Variants in ZNF337 observed in about 807,000 individuals in gnomAD.
ZNF337 encodes the protein zinc finger protein 337.
In ZNF337, 8 loss-of-function variants were observed where a neutral mutation model predicts 12.1. The ratio of observed to expected loss-of-function variants is 0.66; its 90% CI spans 0.39 to 1.19. The LOEUF is 1.19. Among genes scored for constraint, ZNF337 ranks in the 50% most tolerant of loss-of-function variants. The pLI is 0.01. For missense variants in ZNF337, 882 were observed against 896.6 expected (o/e 0.98, Z 0.21); for synonymous variants, 336 against 320.0 (o/e 1.05, Z -0.53).
rs906950915 is a variant in ZNF337, at chr20:25,692,822, C to T, written c.-50+3937G>A. Among the ~76,000 whole-genome samples the T allele has an allele frequency of 3.3e-5, 5 of 152,066 alleles. No individual in the cohort carries two copies. The East Asian group carries it at 5.8e-4, about 18-fold the overall frequency. ...AAACTTGAAACATTTAGCTCCTCCA[C>T]GTATATTTCATTAAAATTCTCCTAA... On this transcript the variant is annotated intron_variant, in intron 1 of 4. Transcript: ENST00000252979.
In ZNF337 at chr20:25,675,128, T is replaced by C; in HGVS notation, c.2160A>G (p.Arg720=). 6.2e-7 allele frequency: 1 copy of C among 1,614,196 alleles called. No homozygotes were observed. The highest frequency in any genetic ancestry group is 8.5e-7 in the Non-Finnish European group (1 of 1,180,044). The change falls in exon 5 of 5, where the codon CGA becomes CGG. Residue 720 remains arginine (R), a synonymous_variant. Coordinates refer to ENST00000252979, the MANE Select transcript of ZNF337 (RefSeq NM_015655.4). ...TGTAGTATGACTTATTGCTAAACTTTCGTCCACACTCTTGGCATTCATAAG... is the reference window on the plus strand; with the variant it reads ...TGTAGTATGACTTATTGCTAAACTTCCGTCCACACTCTTGGCATTCATAAG... ...ERPYECQECG[R]KFSNKSYYSK...
Position 25,676,454 on chromosome 20 carries a change from G to C in ZNF337, c.834C>G (p.Tyr278Ter). Residue 278 changes from tyrosine (Y) to a stop codon, truncating the protein, a stop_gained, in exon 5 of 5, where the codon TAC (tyrosine) becomes TAG (stop). Coordinates refer to ENST00000252979, the MANE Select transcript of ZNF337 (RefSeq NM_015655.4). LOFTEE classifies it low-confidence loss of function (END_TRUNC). ...TGTGTGTTCTCTCATGCACAGTGAG[G>C]TATGACTTACTGGTATAGCCTCGTC... ...VCGRGYTSKS[Y>*]LTVHERTHTG... 6.2e-7 allele frequency: 1 copy of C among 1,613,004 alleles called. No individual in the cohort carries two copies. Among genetic ancestry groups the C allele is most frequent in the South Asian group, 1.1e-5 (1 of 91,012 alleles).
At chr20:25,685,145 A>G (rs937251163) in intron 4 of ZNF337, among the ~76,000 whole-genome samples, 16 of 152,136 alleles carry the variant, frequency 1.1e-4, no homozygotes, top group African/African-American at 3.6e-4. Context: ...AAATCAGTAT[A>G]TAGAAGAATG....
chr20:25,682,923 C>A (rs188697065), intron 4 of ZNF337, among the ~76,000 whole-genome samples: 1 of 152,192 alleles, frequency 6.6e-6, no homozygotes, highest in Admixed American at 6.5e-5. Context: ...ATAAAAGAGA[C>A]TTCCAAGTAC....
Position 25,685,984 on chromosome 20 carries a change from A to G in ZNF337, c.154+12T>C, listed in dbSNP as rs767523877. The G allele has an allele frequency of 3.1e-6, 5 of 1,603,258 alleles. No individual in the cohort carries two copies. In the East Asian group the frequency reaches 1.1e-4, roughly 36 times the overall value. The stretch of plus-strand genomic sequence containing the variant: ...CAGGCCAAATGTTAGGCTCGAGGGA[A>G]GCCACGCTTACCTAGTGAGACCAGG... On this transcript the variant is annotated intron_variant, in intron 3 of 4. Coordinates refer to ENST00000252979, the MANE Select transcript of ZNF337 (RefSeq NM_015655.4).
At position 25,675,060 on chromosome 20, in the gene ZNF337, G is replaced by A. The variant is rs1360206773; in HGVS notation, c.2228C>T (p.Thr743Ile). The change falls in exon 5 of 5, where the codon ACA (threonine) becomes ATA (isoleucine). Residue 743 changes from threonine to isoleucine, a missense_variant. Thr to Ile is a moderately conservative substitution (Grantham distance 89). Coordinates refer to ENST00000252979, the MANE Select transcript of ZNF337 (RefSeq NM_015655.4). ...AGATGAAGCCTCACCCACACTCCCT[G>A]TACAAAAACGCTTCTCACGTAAGTG... ...KRHLREKRFCTGSVGEASS is the reference protein window; with the variant it reads ...KRHLREKRFCIGSVGEASS 1 of 1,613,876 alleles carries A rather than the reference G, an allele frequency of 6.2e-7. No individual in the cohort carries two copies. Among genetic ancestry groups the A allele is most frequent in the Non-Finnish European group, 8.5e-7 (1 of 1,179,908 alleles).
At position 25,673,195 on chromosome 20, in the gene ZNF337, T is replaced by G. The variant is rs929000120; in HGVS notation, c.*1837A>C. On this transcript the variant is annotated 3_prime_UTR_variant, in exon 5 of 5. Coordinates refer to ENST00000252979, the MANE Select transcript of ZNF337 (RefSeq NM_015655.4). ...TGGGGCTGTCAGTGTCCCAGATCAC[T>G]CAGATGTAAATGTGTTTAATATGGA... Among the ~76,000 whole-genome samples, 2 of 152,186 alleles carry G rather than the reference T, an allele frequency of 1.3e-5. No homozygotes were observed. The highest frequency in any genetic ancestry group is 2.9e-5 in the Non-Finnish European group (2 of 68,030).
intron 4 of ZNF337, among the ~76,000 whole-genome samples, chr20:25,682,704 G>A (rs1330155263): frequency 1.3e-5 from 2 of 152,088 alleles, no homozygotes; most frequent in Non-Finnish European, 2.9e-5. Flanking sequence ...GCATGGTGGT[G>A]AGGACATGTA....
At chr20:25,688,956 C>A (rs968987784) in intron 1 of ZNF337, among the ~76,000 whole-genome samples, 1 of 151,958 alleles carries the variant, frequency 6.6e-6, no homozygotes, top group Non-Finnish European at 1.5e-5. Context: ...CCGTGAAACC[C>A]GTCTCTACTG....
chr20:25,689,478 TTA>T (rs1323686946), intron 1 of ZNF337, among the ~76,000 whole-genome samples: 1 of 152,214 alleles, frequency 6.6e-6, no homozygotes, highest in Non-Finnish European at 1.5e-5. Flanking sequence ...TCTGGAATGA[TTA>T]CATGTAAGGG....
intron 4 of ZNF337, among the ~76,000 whole-genome samples, chr20:25,684,891 C>G (rs1010935984): frequency 2.0e-5 from 3 of 151,308 alleles, no homozygotes; most frequent in Non-Finnish European, 2.9e-5. Flanking sequence ...AAATCAAACA[C>G]TATATGTTCT....
chr20:25,676,182 GTCC>G lies in ZNF337; in HGVS notation c.1103_1105del (p.Arg368del). On this transcript the variant is annotated inframe_deletion, in exon 5 of 5. Coordinates refer to ENST00000252979, the MANE Select transcript of ZNF337 (RefSeq NM_015655.4). ...CGCAAAGGGCTTCTCCCCTGAGTGT[GTCC>G]TCTGGTGTGTGATAAGGTGTGACTT... The G allele has an allele frequency of 6.2e-7, 1 of 1,614,160 alleles. No homozygotes were observed. The highest frequency in any genetic ancestry group is 8.5e-7 in the Non-Finnish European group (1 of 1,180,038).
intron 4 of ZNF337, chr20:25,680,762 GC>G (rs1394608312): frequency 6.6e-6 from 1 of 152,090 alleles, no homozygotes; most frequent in African/African-American, 2.4e-5. Flanking sequence ...TGTTATTTTG[GC>G]ACTATCCACA....
At chr20:25,680,172 T>C (rs2065753893) in intron 4 of ZNF337, among the ~76,000 whole-genome samples, 1 of 152,084 alleles carries the variant, frequency 6.6e-6, no homozygotes, top group South Asian at 2.1e-4. Context: ...AGCAGTTGAT[T>C]ATGGGTACAA....
At chr20:25,686,143 A>G (rs200409313) in intron 2 of ZNF337, 21 bp from the exon 3 acceptor site, 312 of 1,613,636 alleles carry the variant, frequency 1.9e-4, no homozygotes, top group Non-Finnish European at 2.6e-4. Flanking sequence ...AAACCCAGGC[A>G]TGCTCACCAG....
chr20:25,693,078 G>A (rs934507726), intron 1 of ZNF337, among the ~76,000 whole-genome samples: 4 of 152,122 alleles, frequency 2.6e-5, no homozygotes, highest in African/African-American at 7.2e-5. Context: ...GTTACATAAA[G>A]TAAAAATTAT....
chr20:25,675,388 C>G lies in ZNF337; in HGVS notation c.1900G>C (p.Gly634Arg), dbSNP rs200053406. ...GKQPFVCKEC[G>R]RGFNWKGNLL... ...TTTCCCTTCCAGTTGAAGCCTCGCCCACACTCCTTGCATACAAAAGGCTGC... is the reference window on the plus strand; with the variant it reads ...TTTCCCTTCCAGTTGAAGCCTCGCCGACACTCCTTGCATACAAAAGGCTGC... Residue 634 changes from glycine (G) to arginine (R), a missense_variant, in exon 5 of 5, where the codon GGG becomes CGG. Physicochemically the swap from Gly to Arg is moderately radical, Grantham distance 125. Coordinates refer to ENST00000252979, the MANE Select transcript of ZNF337 (RefSeq NM_015655.4). 67 of 1,613,994 alleles carry G rather than the reference C, an allele frequency of 4.2e-5. No homozygotes were observed. Among genetic ancestry groups the G allele is most frequent in the Non-Finnish European group, 5.2e-5 (61 of 1,180,018 alleles).
At chr20:25,686,220 G>C (rs750291928) in intron 2 of ZNF337, 98 bp from the exon 3 acceptor site, 2 of 1,575,186 alleles carry the variant, frequency 1.3e-6, no homozygotes, top group Non-Finnish European at 1.7e-6. Context: ...ATCACTACTT[G>C]ATGAGTGACA....
chr20:25,685,630 G>A lies in ZNF337; in HGVS notation c.187C>T (p.Arg63Trp), dbSNP rs2065823022. ...CAGGGCACTTCCCCTTGCTCTAGCC[G>A]CCTGATGAGTTCTGGTTTAGAATGG... ...ILHSKPELIR[R>W]LEQGEVPWGE... is the part of the protein sequence containing the mutation. Residue 63 changes from arginine to tryptophan, a missense_variant, in exon 4 of 5, where the codon CGG becomes TGG. Transcript: ENST00000252979. 13 of 1,614,152 alleles carry A rather than the reference G, an allele frequency of 8.1e-6. No individual in the cohort carries two copies. Among genetic ancestry groups the A allele is most frequent in the East Asian group, 2.2e-5 (1 of 44,880 alleles).
Sources: allele counts gnomAD v4.1 joint callset (sites outside exome capture counted in the v4.1 genomes callset), GRCh38; gene constraint gnomAD v4.1.1; transcripts MANE v1.5; gene names NCBI Gene and HGNC (gene_info 2026-07-23, HGNC 2026-07-21).